The following GALNT13 variants were observed in gnomAD, a reference collection of about 807,000 sequenced individuals.
GALNT13 encodes the protein polypeptide N-acetylgalactosaminyltransferase 13.
A neutral mutation model predicts 64.2 loss-of-function variants in GALNT13; 28 were observed. The ratio of observed to expected loss-of-function variants is 0.44; its 90% CI spans 0.32 to 0.60. The LOEUF is 0.60. Ranked by LOEUF, GALNT13 falls within the 20% of genes least tolerant of loss-of-function variation. GALNT13 has a pLI of 0.05. For synonymous variants in GALNT13, 214 were observed against 224.6 expected (o/e 0.95, Z 0.42); for missense variants, 577 against 669.8 (o/e 0.86, Z 1.53).
intron 9 of GALNT13, among the ~76,000 whole-genome samples, chr2:154,376,345 T>C (rs1472252379): frequency 6.6e-6 from 1 of 152,178 alleles, no homozygotes; most frequent in African/African-American, 2.4e-5. Context: ...TATAGTCAGA[T>C]AAGAACACGG....
intron 3 of GALNT13, among the ~76,000 whole-genome samples, chr2:154,092,662 A>G (rs1701874079): frequency 6.6e-6 from 1 of 152,098 alleles, no homozygotes; most frequent in South Asian, 2.1e-4. Flanking sequence ...CTTAGGGGCT[A>G]GTTAACAGTA....
At chr2:153,359,351 C>T in the GALNT13 span, among the ~76,000 whole-genome samples, 1 of 152,064 alleles carries the variant, frequency 6.6e-6, no homozygotes, top group Non-Finnish European at 1.5e-5. Flanking sequence ...TACTAAGCAA[C>T]ACCTTTTAAT....
At chr2:153,258,804 C>T in the GALNT13 span, among the ~76,000 whole-genome samples, 1 of 152,050 alleles carries the variant, frequency 6.6e-6, no homozygotes, top group Non-Finnish European at 1.5e-5. Flanking sequence ...CGGTTTTATT[C>T]CTTTCTTGTC....
At chr2:154,447,041 T>C (rs1701622958) in intron 12 of GALNT13, among the ~76,000 whole-genome samples, 1 of 151,822 alleles carries the variant, frequency 6.6e-6, no homozygotes, top group African/African-American at 2.4e-5. Context: ...AACGATATTA[T>C]GAAATATTAA....
chr2:154,077,596 G>T (rs1701055330), intron 3 of GALNT13, among the ~76,000 whole-genome samples: 1 of 151,488 alleles, frequency 6.6e-6, no homozygotes, highest in South Asian at 2.1e-4. Flanking sequence ...TTGGTCAAAT[G>T]AGCATTCTCT....
chr2:154,167,255 G>A (rs1349768555), intron 4 of GALNT13, among the ~76,000 whole-genome samples: 2 of 152,170 alleles, frequency 1.3e-5, no homozygotes, highest in African/African-American at 2.4e-5. Context: ...TGCCATTGCA[G>A]AATTTATCTT....
At chr2:153,081,807 G>A in the GALNT13 span, among the ~76,000 whole-genome samples, 1 of 151,984 alleles carries the variant, frequency 6.6e-6, no homozygotes. Flanking sequence ...TCTTAGTATT[G>A]TAAACAGTGC....
the GALNT13 span, among the ~76,000 whole-genome samples, chr2:153,086,833 G>A: frequency 6.6e-6 from 1 of 151,908 alleles, no homozygotes; most frequent in Admixed American, 6.6e-5. Flanking sequence ...CATTGATTTT[G>A]TATCCTGAAA....
chr2:153,507,001 A>G, the GALNT13 span, among the ~76,000 whole-genome samples: 1 of 152,208 alleles, frequency 6.6e-6, no homozygotes, highest in African/African-American at 2.4e-5. Context: ...GATGCTTAGC[A>G]TAGTCCCAAA....
intron 3 of GALNT13, among the ~76,000 whole-genome samples, chr2:154,007,433 T>A (rs1574315841): frequency 6.6e-6 from 1 of 152,054 alleles, no homozygotes; most frequent in African/African-American, 2.4e-5. Context: ...GAACCTTAAA[T>A]GGGAAAATGA....
At chr2:154,207,702 T>C (rs547706650) in intron 4 of GALNT13, among the ~76,000 whole-genome samples, 3 of 152,166 alleles carry the variant, frequency 2.0e-5, no homozygotes, top group Non-Finnish European at 4.4e-5. Flanking sequence ...AGGGAAGAAC[T>C]GAGTTGAATT....
rs184026347 is a variant in GALNT13, at chr2:154,364,050, T to C, written c.1157-31941T>C. Among the ~76,000 whole-genome samples, 19 of 152,260 alleles carry C rather than the reference T, an allele frequency of 1.2e-4. No individual in the cohort carries two copies. In the East Asian group the frequency reaches 2.1e-3, roughly 17 times the overall value. ...CTAAAAATCACACAGGTTATATATA[T>C]TGAATGGAATAAAATGAGAAGTATA... On this transcript the variant is annotated intron_variant, in intron 9 of 12. Transcript: ENST00000392825.
chr2:154,043,537 C>T (rs930005962), intron 3 of GALNT13, among the ~76,000 whole-genome samples: 24 of 149,488 alleles, frequency 1.6e-4, no homozygotes, highest in Non-Finnish European at 3.1e-4. Flanking sequence ...TTGCTAATCA[C>T]TTATTTTTAT....
intron 11 of GALNT13, among the ~76,000 whole-genome samples, chr2:154,422,243 G>C (rs1193479127): frequency 6.6e-6 from 1 of 152,060 alleles, no homozygotes; most frequent in Non-Finnish European, 1.5e-5. Flanking sequence ...GAAAATACTT[G>C]GACTGCACTT....
At chr2:153,591,850 T>C in the GALNT13 span, among the ~76,000 whole-genome samples, 1 of 152,018 alleles carries the variant, frequency 6.6e-6, no homozygotes, top group East Asian at 1.9e-4. Context: ...ACTAAAAAAC[T>C]TCTGCAAAGC....
At chr2:154,199,893 G>T (rs921387676) in intron 4 of GALNT13, among the ~76,000 whole-genome samples, 1 of 151,836 alleles carries the variant, frequency 6.6e-6, no homozygotes, top group African/African-American at 2.4e-5. Context: ...TCAAGGTTTG[G>T]ATTGAAAGCA....
chr2:153,300,603 C>A, the GALNT13 span, among the ~76,000 whole-genome samples: 2 of 152,168 alleles, frequency 1.3e-5, no homozygotes, highest in African/African-American at 2.4e-5. Flanking sequence ...AATGTCATTA[C>A]TTTGAATCAA....
the GALNT13 span, among the ~76,000 whole-genome samples, chr2:153,630,831 C>G: frequency 1.7e-5 from 1 of 59,630 alleles, no homozygotes; most frequent in Non-Finnish European, 3.0e-5. Flanking sequence ...TTTTATTATA[C>G]TTTAAGTTCT....
chr2:153,413,030 G>C, the GALNT13 span, among the ~76,000 whole-genome samples: 1 of 152,162 alleles, frequency 6.6e-6, no homozygotes, highest in South Asian at 2.1e-4. Context: ...ACAAACCTAG[G>C]GCTAGCAGCA....
Sources: gnomAD v4.1 joint callset for allele counts (sites outside exome capture counted in the v4.1 genomes callset) on GRCh38, gnomAD v4.1.1 for gene constraint, MANE v1.5 for transcripts, NCBI Gene and HGNC (gene_info 2026-07-23, HGNC 2026-07-21) for gene names.